The following FIG4 variants were observed in gnomAD, a reference collection of about 807,000 sequenced individuals.
The protein encoded by FIG4 is polyphosphoinositide phosphatase.
FIG4 carries 112 observed loss-of-function variants against 118.6 expected under a neutral mutation model. The ratio of observed to expected loss-of-function variants is 0.94; its 90% CI spans 0.81 to 1.11. The LOEUF is 1.11. Among genes scored for constraint, FIG4 ranks in the 50% least tolerant of loss-of-function variants. The probability of loss-of-function intolerance (pLI) is 0.00; values close to 1 mark genes in which losing one functional copy is unlikely to be tolerated. For synonymous variants in FIG4, 369 were observed against 381.2 expected (o/e 0.97, Z 0.37); for missense variants, 969 against 1,111.7 (o/e 0.87, Z 1.83).
chr6:109,786,590 A>T, intron 18 of FIG4, 141 bp downstream of exon 18: 1 of 835,958 alleles, frequency 1.2e-6, no homozygotes, highest in South Asian at 1.4e-5. Context: ...ACCTCCTGTG[A>T]TGGGGAGCCC....
At chr6:109,696,524 T>A (rs1774724462) in intron 1 of FIG4, among the ~76,000 whole-genome samples, 1 of 152,302 alleles carries the variant, frequency 6.6e-6, no homozygotes, top group Admixed American at 6.5e-5. Flanking sequence ...TTAAAAAATG[T>A]GGTATATATA....
chr6:109,786,242 T>C, intron 17 of FIG4, 60 bp from the exon 18 acceptor site: 2 of 1,444,792 alleles, frequency 1.4e-6, no homozygotes, highest in Non-Finnish European at 1.9e-6. Context: ...GTTAATATTA[T>C]GGAAATGTTT....
chr6:109,720,951 C>G (rs958483263), intron 3 of FIG4, among the ~76,000 whole-genome samples: 1 of 152,066 alleles, frequency 6.6e-6, no homozygotes, highest in Non-Finnish European at 1.5e-5. Flanking sequence ...TTATGTGGTC[C>G]TAGGGCACAT....
intron 10 of FIG4, among the ~76,000 whole-genome samples, chr6:109,754,250 T>A (rs892388569): frequency 5.8e-4 from 89 of 152,312 alleles, no homozygotes; most frequent in African/African-American, 2.1e-3. Context: ...ATTTATTGAT[T>A]TGTGTATATT....
intron 1 of FIG4, among the ~76,000 whole-genome samples, chr6:109,714,327 T>G (rs1221096394): frequency 1.3e-5 from 2 of 152,266 alleles, no homozygotes; most frequent in Admixed American, 6.5e-5. Flanking sequence ...GTGTCTTCCC[T>G]CCACCACTCT....
At chr6:109,769,254 T>G (rs1777384514) in intron 15 of FIG4, among the ~76,000 whole-genome samples, 1 of 151,916 alleles carries the variant, frequency 6.6e-6, no homozygotes, top group African/African-American at 2.4e-5. Context: ...TTAATAAGAC[T>G]AGAGGACGGA....
chr6:109,812,532 A>G (rs957564254), intron 22 of FIG4, among the ~76,000 whole-genome samples: 1 of 152,232 alleles, frequency 6.6e-6, no homozygotes, highest in Admixed American at 6.5e-5. Flanking sequence ...AGGAAACTCA[A>G]GAGGAGTTGG....
chr6:109,755,824 G>A (rs1013409993), intron 10 of FIG4, among the ~76,000 whole-genome samples: 3 of 152,116 alleles, frequency 2.0e-5, no homozygotes, highest in African/African-American at 4.8e-5. Flanking sequence ...TTGAGCCTAT[G>A]TGTGTCTCTG....
At chr6:109,752,252 G>A (rs951355560) in intron 10 of FIG4, among the ~76,000 whole-genome samples, 2 of 151,286 alleles carry the variant, frequency 1.3e-5, no homozygotes, top group African/African-American at 4.9e-5. Flanking sequence ...TGGACATTTG[G>A]GTTGGTTCCA....
intron 18 of FIG4, 66 bp downstream of exon 18, chr6:109,786,515 A>G (rs1777963410): frequency 6.4e-7 from 1 of 1,564,174 alleles, no homozygotes; most frequent in East Asian, 2.2e-5. Flanking sequence ...TTGTATATAT[A>G]TGTCTGTCTT....
rs150461188 is a variant in FIG4, at chr6:109,741,999, GC to G, written c.876+456del. ...TGGAGGGAACCCATGGATGTGGGGG[GC>G]TGACAATAATTAATACTCCAGTGCA... On this transcript the variant is annotated intron_variant, in intron 8 of 22. Transcript: ENST00000230124. Among the ~76,000 whole-genome samples the G allele has an allele frequency of 5.8e-3, 887 of 152,092 alleles. 6 individuals carry two copies. The highest frequency in any genetic ancestry group is 0.02 in the African/African-American group (849 of 41,500).
chr6:109,822,787 GTATA>G (rs10523453), intron 22 of FIG4, among the ~76,000 whole-genome samples: 8,219 of 119,958 alleles, frequency 0.069, 582 homozygotes, highest in African/African-American at 0.17. Context: ...GTGTGTGTAT[GTATA>G]TATATATATA....
chr6:109,805,487 T>A (rs1401427941), intron 22 of FIG4, among the ~76,000 whole-genome samples: 1 of 152,192 alleles, frequency 6.6e-6, no homozygotes, highest in Non-Finnish European at 1.5e-5. Context: ...ATTTTTATAT[T>A]CTTAAAAATC....
At chr6:109,784,726 A>G (rs951885118) in intron 16 of FIG4, among the ~76,000 whole-genome samples, 1 of 152,202 alleles carries the variant, frequency 6.6e-6, no homozygotes, top group African/African-American at 2.4e-5. Context: ...CTTGACTCTC[A>G]GGTGTATTCA....
rs760524517 is a variant in FIG4 at position 109,760,386 on chromosome 6, G to A, written c.1271+3G>A. 6.2e-7 allele frequency: 1 copy of A among 1,611,538 alleles called. No individual in the cohort carries two copies. The highest frequency in any genetic ancestry group is 1.1e-5 in the South Asian group (1 of 91,024). On this transcript the variant is annotated splice_donor_region_variant and intron_variant, in intron 11 of 22. Coordinates refer to ENST00000230124, the MANE Select transcript of FIG4 (RefSeq NM_014845.6). ...GACATGGCCAAGTATACCAAAAGGT[G>A]AATGATACTCATCTGTCTGGCTATG...
chr6:109,696,821 T>C (rs1220684956), intron 1 of FIG4, among the ~76,000 whole-genome samples: 1 of 152,188 alleles, frequency 6.6e-6, no homozygotes, highest in Non-Finnish European at 1.5e-5. Context: ...TCTAGTGTTT[T>C]ATAGCACTGT....
chr6:109,811,020 T>C (rs1200169285), intron 22 of FIG4, among the ~76,000 whole-genome samples: 1 of 152,180 alleles, frequency 6.6e-6, no homozygotes, highest in East Asian at 1.9e-4. Context: ...AAAGGTTTTA[T>C]TTTTTTAAAA....
rs548333111 is a variant in FIG4 at position 109,707,992 on chromosome 6, CT to C, written c.67-7072del. Among the ~76,000 whole-genome samples the C allele has an allele frequency of 2.6e-3, 364 of 141,344 alleles. 1 individual carries two copies. The highest frequency in any genetic ancestry group is 4.3e-3 in the South Asian group (19 of 4,410). The allele number at this position is 141,344 out of a possible 152,430, so 92.7% of individuals were successfully genotyped here. A position where few individuals can be genotyped will look rare whatever the true frequency, so the allele number is the denominator to read the frequency against. Reference sequence around the variant, plus strand: ...GATTATTCATTTTATTCTCAGTATTCTTTTTTTTTTTTTTACTTTTAAGTTT... The same window carrying C: ...GATTATTCATTTTATTCTCAGTATTCTTTTTTTTTTTTTACTTTTAAGTTT... On this transcript the variant is annotated intron_variant, in intron 1 of 22. Transcript: ENST00000230124.
At position 109,785,012 on chromosome 6, in the gene FIG4, A is replaced by G. The variant is rs767919652; in HGVS notation, c.1932A>G (p.Pro644=). ...WWTPEVIKHL[P]LPYDEVICAV... ...CACCAGAGGTGATAAAGCATTTACC[A>G]TTGCCCTATGATGAAGGTAGGTAAC... is the stretch of plus-strand genomic sequence containing the variant. Residue 644 remains proline, a synonymous_variant, in exon 17 of 23, where the codon CCA becomes CCG. Transcript: ENST00000230124. 9.5e-6 allele frequency: 15 copies of G among 1,572,844 alleles called. No homozygotes were observed. The highest frequency in any genetic ancestry group is 4.5e-5 in the East Asian group (2 of 44,628).
Sources: allele counts gnomAD v4.1 joint callset (sites outside exome capture counted in the v4.1 genomes callset), GRCh38; gene constraint gnomAD v4.1.1; transcripts MANE v1.5; gene names NCBI Gene and HGNC (gene_info 2026-07-23, HGNC 2026-07-21).